The following FER1L6 variants were observed in gnomAD, a reference collection of about 807,000 sequenced individuals.
FER1L6 encodes the protein fer-1-like protein 6.
FER1L6 carries 177 observed loss-of-function variants against 219.2 expected under a neutral mutation model. The observed-to-expected ratio is 0.81, with a 90% CI of 0.71 to 0.91. The LOEUF (loss-of-function observed/expected upper bound fraction) is 0.91. FER1L6 is among the 40% of genes least tolerant of loss of function. The probability of loss-of-function intolerance (pLI) is 0.00; values close to 1 mark genes in which losing one functional copy is unlikely to be tolerated. For synonymous variants in FER1L6, 768 were observed against 824.3 expected (o/e 0.93, Z 1.17); for missense variants, 2,153 against 2,259.9 (o/e 0.95, Z 0.96).
chr8:124,053,189 A>C (rs1820129935), intron 22 of FER1L6, among the ~76,000 whole-genome samples: 1 of 152,080 alleles, frequency 6.6e-6, no homozygotes, highest in East Asian at 1.9e-4. Context: ...TGGATCCCCA[A>C]ATGCTCTCTG....
chr8:123,951,440 T>C (rs1486928051), intron 1 of FER1L6, among the ~76,000 whole-genome samples: 1 of 152,212 alleles, frequency 6.6e-6, no homozygotes, highest in Non-Finnish European at 1.5e-5. Flanking sequence ...CATGGGTCTA[T>C]ATTTTAACAA....
At position 124,023,595 on chromosome 8, in the gene FER1L6, A is replaced by G. The variant is rs1396230221; in HGVS notation, c.2285A>G (p.Lys762Arg). 1 of 1,613,894 alleles carries G rather than the reference A, an allele frequency of 6.2e-7. No homozygotes were observed. The highest frequency in any genetic ancestry group is 1.7e-5 in the Admixed American group (1 of 60,010). Residue 762 changes from lysine to arginine, a missense_variant and splice_region_variant, in exon 18 of 41, where the codon AAA becomes AGA. Physicochemically the swap from Lys to Arg is conservative, Grantham distance 26 (BLOSUM62 2). Transcript: ENST00000522917. ...GGCAAGATCAAAACTCACTTCCTCA[A>G]AGTAAGTGTGCAGTATTTTAACTAA... ...HCGKIKTHFL[K>R]PPGKRPAGWS... is the part of the protein sequence containing the mutation.
intron 1 of FER1L6, among the ~76,000 whole-genome samples, chr8:123,856,302 A>ATATGTATGTG (rs1816644087): frequency 1.5e-5 from 1 of 66,904 alleles, no homozygotes; most frequent in African/African-American, 5.9e-5. Context: ...GTATATATAT[A>ATATGTATGTG]TATATATGTA....
chr8:124,107,247 C>T (rs1280121676), intron 39 of FER1L6, among the ~76,000 whole-genome samples: 1 of 152,076 alleles, frequency 6.6e-6, no homozygotes, highest in Non-Finnish European at 1.5e-5. Flanking sequence ...CGCGCCCGGC[C>T]AAGAGATTAT....
chr8:123,856,906 C>T (rs1816659535), intron 1 of FER1L6, among the ~76,000 whole-genome samples: 1 of 152,038 alleles, frequency 6.6e-6, no homozygotes, highest in African/African-American at 2.4e-5. Context: ...GGAGATGGGG[C>T]AGACCAGCCC....
intron 39 of FER1L6, among the ~76,000 whole-genome samples, chr8:124,115,481 G>T (rs1372249669): frequency 6.6e-6 from 1 of 152,096 alleles, no homozygotes; most frequent in African/African-American, 2.4e-5. Context: ...GATAACAAAT[G>T]ACACCTATCT....
chr8:123,901,769 A>C (rs556658718), intron 1 of FER1L6, among the ~76,000 whole-genome samples: 1 of 150,432 alleles, frequency 6.6e-6, no homozygotes, highest in South Asian at 2.1e-4. Context: ...CCCAGTTTGG[A>C]GTGCAGTGGT....
intron 15 of FER1L6, among the ~76,000 whole-genome samples, chr8:124,017,198 G>C (rs544061908): frequency 6.6e-6 from 1 of 152,024 alleles, no homozygotes; most frequent in Non-Finnish European, 1.5e-5. Flanking sequence ...TCCAAAAAAT[G>C]TTACTACTCA....
intron 1 of FER1L6, among the ~76,000 whole-genome samples, chr8:123,900,495 G>C (rs775376466): frequency 1.3e-4 from 20 of 152,066 alleles, no homozygotes; most frequent in Non-Finnish European, 2.8e-4. Context: ...TCTTTCTCTT[G>C]TCTGCTCTGG....
intron 1 of FER1L6, among the ~76,000 whole-genome samples, chr8:123,938,666 C>T (rs1446727995): frequency 6.6e-6 from 1 of 151,786 alleles, no homozygotes; most frequent in Non-Finnish European, 1.5e-5. Context: ...TGTGCCTCAG[C>T]CTCCTGAGTA....
At chr8:124,097,187 A>T (rs1822341719) in intron 35 of FER1L6, 84 bp from the exon 36 acceptor site, 3 of 972,364 alleles carry the variant, frequency 3.1e-6, no homozygotes, top group Non-Finnish European at 3.2e-6. Flanking sequence ...TACTAAAGGG[A>T]TCTTATAAAA....
intron 24 of FER1L6, among the ~76,000 whole-genome samples, chr8:124,061,100 A>G (rs977762392): frequency 6.6e-6 from 1 of 152,232 alleles, no homozygotes; most frequent in Non-Finnish European, 1.5e-5. Flanking sequence ...GATATATGAT[A>G]AAATTTGAGA....
At position 123,937,905 on chromosome 8, in the gene FER1L6, T is replaced by C. The variant is rs1047470783; in HGVS notation, c.-7-18087T>C. Among the ~76,000 whole-genome samples the C allele has an allele frequency of 2.6e-5, 4 of 152,192 alleles. No homozygotes were observed. The East Asian group carries it at 7.7e-4, about 29-fold the overall frequency. On this transcript the variant is annotated intron_variant, in intron 1 of 40. Transcript: ENST00000522917. ...CAGCATAAAACATAGTACTAAGAGATGTTAAGAAACATCAGTCGTAATCTC... is the reference window on the plus strand; with the variant it reads ...CAGCATAAAACATAGTACTAAGAGACGTTAAGAAACATCAGTCGTAATCTC...
intron 18 of FER1L6, among the ~76,000 whole-genome samples, chr8:124,032,508 T>G (rs1422723734): frequency 1.3e-5 from 2 of 152,038 alleles, no homozygotes; most frequent in Non-Finnish European, 2.9e-5. Flanking sequence ...GGGGGCAGAT[T>G]GCTTTAGTCC....
chr8:124,080,303 A>G (rs1776828567), intron 32 of FER1L6, among the ~76,000 whole-genome samples: 1 of 151,976 alleles, frequency 6.6e-6, no homozygotes, highest in African/African-American at 2.4e-5. Flanking sequence ...AAGTTCAACC[A>G]TAGTGGGCTG....
intron 33 of FER1L6, among the ~76,000 whole-genome samples, chr8:124,090,288 T>C (rs1019630349): frequency 4.6e-5 from 7 of 152,332 alleles, no homozygotes; most frequent in African/African-American, 1.7e-4. Flanking sequence ...CATATGCCTC[T>C]TGGGGGATTT....
intron 12 of FER1L6, among the ~76,000 whole-genome samples, chr8:123,988,699 G>A (rs1305376367): frequency 6.6e-6 from 1 of 152,086 alleles, no homozygotes; most frequent in African/African-American, 2.4e-5. Context: ...TACTGAATTT[G>A]TTTATCAGTT....
chr8:123,900,305 T>C (rs1284001536), intron 1 of FER1L6, among the ~76,000 whole-genome samples: 1 of 152,148 alleles, frequency 6.6e-6, no homozygotes, highest in African/African-American at 2.4e-5. Flanking sequence ...TTGGTCGCTG[T>C]TGGTGTATAG....
chr8:123,908,834 G>C (rs896679681), intron 1 of FER1L6, among the ~76,000 whole-genome samples: 1 of 152,162 alleles, frequency 6.6e-6, no homozygotes, highest in African/African-American at 2.4e-5. Flanking sequence ...TTGTTGGAGA[G>C]GTGACTATGA....
Sources: allele counts gnomAD v4.1 joint callset (sites outside exome capture counted in the v4.1 genomes callset), GRCh38; gene constraint gnomAD v4.1.1; transcripts MANE v1.5; gene names NCBI Gene and HGNC (gene_info 2026-07-23, HGNC 2026-07-21).